Variants in MTHFD2L observed in about 807,000 individuals in gnomAD.
MTHFD2L encodes bifunctional methylenetetrahydrofolate dehydrogenase/cyclohydrolase 2, mitochondrial.
Under a neutral mutation model 34.9 loss-of-function variants are expected in MTHFD2L, and 29 were observed. The observed-to-expected ratio is 0.83, with a 90% CI of 0.62 to 1.13. MTHFD2L has a LOEUF of 1.13. Among genes scored for constraint, MTHFD2L ranks in the 50% most tolerant of loss-of-function variants. MTHFD2L has a pLI of 0.00. For missense variants in MTHFD2L, 481 were observed against 446.5 expected, an observed-to-expected ratio of 1.08 and a Z score of -0.70; for synonymous variants, 167 against 155.7, an observed-to-expected ratio of 1.07 and a Z score of -0.54.
chr4:74,241,096 AT>A (rs1741635917), intron 6 of MTHFD2L, among the ~76,000 whole-genome samples: 1 of 152,162 alleles, frequency 6.6e-6, no homozygotes, highest in African/African-American at 2.4e-5. Flanking sequence ...CTAGTTCTTA[AT>A]TAGCGCCAAG....
intron 5 of MTHFD2L, among the ~76,000 whole-genome samples, chr4:74,222,025 A>T (rs1738285984): frequency 6.6e-6 from 1 of 151,736 alleles, no homozygotes; most frequent in African/African-American, 2.4e-5. Flanking sequence ...AAAAATATAT[A>T]TTTTTTTATT....
At chr4:74,224,919 CAT>C (rs1279774319) in intron 5 of MTHFD2L, among the ~76,000 whole-genome samples, 1 of 152,102 alleles carries the variant, frequency 6.6e-6, no homozygotes, top group Non-Finnish European at 1.5e-5. Context: ...TATATTGTCC[CAT>C]TTTTTGTTCA....
intron 5 of MTHFD2L, among the ~76,000 whole-genome samples, chr4:74,207,058 C>T (rs1358395915): frequency 6.6e-6 from 1 of 151,976 alleles, no homozygotes; most frequent in East Asian, 1.9e-4. Flanking sequence ...CCACCACACC[C>T]AGATAATTTT....
rs565917765 is a variant in MTHFD2L at position 74,216,066 on chromosome 4, A to T, written c.713-9236A>T. Among the ~76,000 whole-genome samples the T allele has an allele frequency of 4.1e-4, 63 of 151,980 alleles. 1 individual carries two copies. The highest frequency in any genetic ancestry group is 4.1e-4 in the South Asian group (2 of 4,826). Reference sequence around the variant, plus strand: ...AACATTTTTCTAATATTAAAACTAAAGTATTTCTCCTAAGGGATTTTATAA... The same window carrying T: ...AACATTTTTCTAATATTAAAACTAATGTATTTCTCCTAAGGGATTTTATAA... On this transcript the variant is annotated intron_variant, in intron 5 of 7. Transcript: ENST00000325278.
At chr4:74,132,246 C>A (rs570772958) in intron 1 of MTHFD2L, among the ~76,000 whole-genome samples, 1 of 152,242 alleles carries the variant, frequency 6.6e-6, no homozygotes, top group African/African-American at 2.4e-5. Flanking sequence ...TGGATATATA[C>A]CCAAAGGATT....
At chr4:74,144,894 G>T (rs1723497131) in intron 1 of MTHFD2L, among the ~76,000 whole-genome samples, 1 of 152,044 alleles carries the variant, frequency 6.6e-6, no homozygotes, top group Non-Finnish European at 1.5e-5. Flanking sequence ...TAGATAAGAA[G>T]AAATGAATGA....
At chr4:74,265,402 G>A (rs144685478) in intron 6 of MTHFD2L, among the ~76,000 whole-genome samples, 1 of 152,286 alleles carries the variant, frequency 6.6e-6, no homozygotes, top group Non-Finnish European at 1.5e-5. Flanking sequence ...GAGGGTAAGT[G>A]GAAACGTGCA....
chr4:74,301,078 C>A (rs1182539969), intron 7 of MTHFD2L, among the ~76,000 whole-genome samples: 1 of 152,048 alleles, frequency 6.6e-6, no homozygotes, highest in East Asian at 1.9e-4. Context: ...CCCACTGAAT[C>A]TGTATGGCTT....
intron 1 of MTHFD2L, among the ~76,000 whole-genome samples, chr4:74,144,345 C>T (rs966340977): frequency 2.0e-5 from 3 of 151,958 alleles, no homozygotes; most frequent in Admixed American, 6.6e-5. Flanking sequence ...CCCAGCTGCT[C>T]GGGAGGCTGA....
rs569218067 is a variant in MTHFD2L, at chr4:74,293,854, G to A, written c.932-7843G>A. Among the ~76,000 whole-genome samples, 13 of 152,234 alleles carry A rather than the reference G, an allele frequency of 8.5e-5. No individual in the cohort carries two copies. In the East Asian group the frequency reaches 1.5e-3, roughly 18 times the overall value. ...TTAGAGTGGATGTTTGAGAGGCCACGCTTAAGTGGCTTGCATTTAGAAGCA... is the reference window on the plus strand; with the variant it reads ...TTAGAGTGGATGTTTGAGAGGCCACACTTAAGTGGCTTGCATTTAGAAGCA... On this transcript the variant is annotated intron_variant, in intron 7 of 7. Transcript: ENST00000325278.
intron 7 of MTHFD2L, among the ~76,000 whole-genome samples, chr4:74,298,962 C>T (rs2110332447): frequency 6.6e-6 from 1 of 152,038 alleles, no homozygotes; most frequent in African/African-American, 2.4e-5. Context: ...GCCACAGTTT[C>T]CTCATCTATT....
chr4:74,250,737 G>T (rs1276757022), intron 6 of MTHFD2L, among the ~76,000 whole-genome samples: 4 of 151,982 alleles, frequency 2.6e-5, no homozygotes, highest in African/African-American at 9.7e-5. Context: ...TTATTATATG[G>T]TGTTCTCTTC....
intron 1 of MTHFD2L, among the ~76,000 whole-genome samples, chr4:74,173,690 A>G (rs1027922191): frequency 4.6e-5 from 7 of 152,226 alleles, no homozygotes; most frequent in East Asian, 1.9e-4. Flanking sequence ...CCAGTCTTCA[A>G]GATGGTTGCC....
intron 5 of MTHFD2L, among the ~76,000 whole-genome samples, chr4:74,206,553 G>A (rs933372178): frequency 6.6e-6 from 1 of 152,046 alleles, no homozygotes; most frequent in African/African-American, 2.4e-5. Flanking sequence ...GCTAAGGAAA[G>A]TCTTCTGTAA....
At chr4:74,208,332 T>C (rs1735706546) in intron 5 of MTHFD2L, among the ~76,000 whole-genome samples, 2 of 23,572 alleles carry the variant, frequency 8.5e-5, no homozygotes, top group South Asian at 2.2e-3. Flanking sequence ...CTAAATTTCA[T>C]TTTCAGTGTC....
chr4:74,121,059 A>T (rs1209238227), upstream of MTHFD2L, among the ~76,000 whole-genome samples: 1 of 152,194 alleles, frequency 6.6e-6, no homozygotes, highest in East Asian at 1.9e-4. Context: ...CATGTTCCAA[A>T]ATTAGCAAAG....
chr4:74,267,390 T>C (rs1745439695), intron 6 of MTHFD2L: 1 of 383,006 alleles, frequency 2.6e-6, no homozygotes, highest in Non-Finnish European at 3.6e-6. Flanking sequence ...TTTCTTTCTT[T>C]CTTTTCTTTC....
At chr4:74,180,926 T>C (rs1017209394) in intron 3 of MTHFD2L, 8 of 178,708 alleles carry the variant, frequency 4.5e-5, no homozygotes, top group Non-Finnish European at 9.8e-5. Context: ...AGGCATTTTA[T>C]TTTATTTTTT....
chr4:74,191,155 C>T (rs1207714088), intron 3 of MTHFD2L, among the ~76,000 whole-genome samples: 1 of 152,162 alleles, frequency 6.6e-6, no homozygotes, highest in Non-Finnish European at 1.5e-5. Flanking sequence ...TCAACCTCAG[C>T]CTCCTGAAGT....
Sources: allele counts gnomAD v4.1 joint callset (sites outside exome capture counted in the v4.1 genomes callset), GRCh38; gene constraint gnomAD v4.1.1; transcripts MANE v1.5; gene names NCBI Gene and HGNC (gene_info 2026-07-23, HGNC 2026-07-21).